The following SLC14A2 variants were observed in gnomAD, a reference collection of about 807,000 sequenced individuals.
The protein encoded by SLC14A2 is urea transporter 2.
In SLC14A2, 91 loss-of-function variants were observed where a neutral mutation model predicts 104.6. The observed-to-expected ratio is 0.87, with a 90% CI of 0.73 to 1.04. The LOEUF is 1.04. Ranked by LOEUF, SLC14A2 falls within the 50% of genes least tolerant of loss-of-function variation. The pLI, the probability that SLC14A2 is intolerant of heterozygous loss-of-function variation, is 0.00. For synonymous variants in SLC14A2, 476 were observed against 466.4 expected (o/e 1.02, Z -0.27); for missense variants, 1,189 against 1,156.0 (o/e 1.03, Z -0.41).
intron 1 of SLC14A2, among the ~76,000 whole-genome samples, chr18:45,289,914 C>T (rs2084852804): frequency 6.6e-6 from 1 of 152,122 alleles, no homozygotes; most frequent in African/African-American, 2.4e-5. Context: ...GAGTTGTTTA[C>T]ACTGAAAAAG....
chr18:45,355,374 G>A (rs2085542550), intron 1 of SLC14A2, among the ~76,000 whole-genome samples: 1 of 151,870 alleles, frequency 6.6e-6, no homozygotes, highest in African/African-American at 2.4e-5. Flanking sequence ...AGGAGTTCGA[G>A]ACCAGCCTGA....
intron 1 of SLC14A2, among the ~76,000 whole-genome samples, chr18:45,401,644 G>A (rs1020293001): frequency 3.9e-5 from 6 of 152,188 alleles, no homozygotes; most frequent in African/African-American, 1.4e-4. Context: ...TCTATCTTAC[G>A]TTTTTCAAAT....
At chr18:45,239,798 G>A (rs149073301) in intron 1 of SLC14A2, among the ~76,000 whole-genome samples, 2 of 152,266 alleles carry the variant, frequency 1.3e-5, no homozygotes, top group East Asian at 1.9e-4. Flanking sequence ...TCCAATAGGA[G>A]CTAACATTTA....
intron 19 of SLC14A2, among the ~76,000 whole-genome samples, chr18:45,681,004 A>G (rs1159207406): frequency 1.3e-5 from 2 of 151,968 alleles, no homozygotes; most frequent in African/African-American, 4.9e-5. Context: ...CTCTGGACAC[A>G]CACATGACTG....
chr18:45,662,405 T>G (rs866934701), intron 10 of SLC14A2, among the ~76,000 whole-genome samples: 2 of 152,202 alleles, frequency 1.3e-5, no homozygotes, highest in Admixed American at 6.5e-5. Flanking sequence ...CCATAGTTGT[T>G]TCTACATAAG....
chr18:45,474,338 C>A (rs1252135803), intron 1 of SLC14A2, among the ~76,000 whole-genome samples: 1 of 151,966 alleles, frequency 6.6e-6, no homozygotes, highest in Non-Finnish European at 1.5e-5. Flanking sequence ...CAGAAATTTT[C>A]TTTTTTTGTT....
Position 45,224,302 on chromosome 18 carries a change from C to T in SLC14A2, c.-125+11111C>T, listed in dbSNP as rs561686600. On this transcript the variant is annotated intron_variant, in intron 1 of 20. Coordinates refer to the SLC14A2 transcript ENST00000586448. The stretch of plus-strand genomic sequence containing the variant: ...TTCTTCCCCTCTCTCTGCTACAAGT[C>T]CTCCCTTTAAGAAACTGATGGACAG... 2.6e-5 allele frequency among the ~76,000 whole-genome samples: 4 copies of T among 152,332 alleles called. No homozygotes were observed. In the East Asian group the frequency reaches 7.7e-4, roughly 29 times the overall value.
chr18:45,475,211 G>A (rs1261893787), intron 1 of SLC14A2, among the ~76,000 whole-genome samples: 1 of 152,170 alleles, frequency 6.6e-6, no homozygotes, highest in Non-Finnish European at 1.5e-5. Flanking sequence ...TTAATCCTGA[G>A]TTCTAATTTG....
chr18:45,413,731 G>A (rs2144497571), intron 1 of SLC14A2, among the ~76,000 whole-genome samples: 1 of 152,284 alleles, frequency 6.6e-6, no homozygotes, highest in Admixed American at 6.5e-5. Flanking sequence ...TTAATGTGTG[G>A]AGTTCTGAAG....
intron 1 of SLC14A2, among the ~76,000 whole-genome samples, chr18:45,254,729 G>C (rs2084458591): frequency 6.6e-6 from 1 of 152,106 alleles, no homozygotes; most frequent in Non-Finnish European, 1.5e-5. Context: ...AAGGAGTGGG[G>C]TGTGGGGGAC....
chr18:45,261,415 TTTA>T (rs2084535947), intron 1 of SLC14A2, among the ~76,000 whole-genome samples: 1 of 151,882 alleles, frequency 6.6e-6, no homozygotes, highest in Admixed American at 6.6e-5. Context: ...TTCTTTTAAT[TTTA>T]TTATTATACT....
At chr18:45,250,693 C>G (rs1461064038) in intron 1 of SLC14A2, among the ~76,000 whole-genome samples, 2 of 147,234 alleles carry the variant, frequency 1.4e-5, no homozygotes, top group African/African-American at 5.0e-5. Context: ...CCCAGGAGGT[C>G]AAAAGGGCTG....
chr18:45,345,240 T>C (rs549355796), intron 1 of SLC14A2, among the ~76,000 whole-genome samples: 30 of 152,372 alleles, frequency 2.0e-4, no homozygotes, highest in African/African-American at 7.0e-4. Flanking sequence ...CTGTATTTAC[T>C]CTGTGTTTCT....
intron 2 of SLC14A2, among the ~76,000 whole-genome samples, chr18:45,519,464 C>A (rs572051814): frequency 4.6e-5 from 7 of 152,282 alleles, no homozygotes; most frequent in Admixed American, 4.6e-4. Context: ...GAACTTGGAT[C>A]CTCCTTTCCC....
At chr18:45,284,099 A>C (rs2084790047) in intron 1 of SLC14A2, among the ~76,000 whole-genome samples, 1 of 152,250 alleles carries the variant, frequency 6.6e-6, no homozygotes, top group African/African-American at 2.4e-5. Context: ...ACTGTAAAAA[A>C]TTTAAAGTAG....
intron 1 of SLC14A2, among the ~76,000 whole-genome samples, chr18:45,384,465 C>T (rs748936212): frequency 7.2e-5 from 11 of 152,166 alleles, no homozygotes; most frequent in African/African-American, 1.2e-4. Flanking sequence ...AATAAGCCCA[C>T]CCACCTCATA....
rs766649681 is a variant in SLC14A2 at position 45,617,054 on chromosome 18, C to T, written c.-35+1472C>T. Among the ~76,000 whole-genome samples, 11 of 152,212 alleles carry T rather than the reference C, an allele frequency of 7.2e-5. 1 individual carries two copies. The highest frequency in any genetic ancestry group is 2.0e-4 in the Admixed American group (3 of 15,294). On this transcript the variant is annotated intron_variant, in intron 1 of 19. Coordinates refer to ENST00000255226, the MANE Select transcript of SLC14A2 (RefSeq NM_007163.4). Reference sequence around the variant, plus strand: ...TGGAGGTTGCAGGGAGCCGAGATTGCGCCACTGCACTCTAGCCTGGGCAAC... The same window carrying T: ...TGGAGGTTGCAGGGAGCCGAGATTGTGCCACTGCACTCTAGCCTGGGCAAC...
chr18:45,531,628 C>A (rs1390534136), intron 2 of SLC14A2, among the ~76,000 whole-genome samples: 30 of 152,154 alleles, frequency 2.0e-4, no homozygotes, highest in African/African-American at 6.7e-4. Flanking sequence ...AGGTTGCAAA[C>A]ATTTTCTCCC....
Position 45,682,591 on chromosome 18 carries a change from C to T in SLC14A2, c.*72C>T, listed in dbSNP as rs1018373992. The T allele has an allele frequency of 8.9e-6, 11 of 1,241,546 alleles. No individual in the cohort carries two copies. In the African/African-American group the frequency reaches 1.2e-4, roughly 13 times the overall value. 76.9% of individuals were successfully genotyped at this position (1,241,546 alleles called of 1,614,324 possible). On this transcript the variant is annotated 3_prime_UTR_variant, in exon 20 of 20. Transcript: ENST00000255226. ...CCGTCCAGATCCCCAGGATAAGAGA[C>T]CACTTAGCCTTCCCTTTGGTCTGTT... is the stretch of plus-strand genomic sequence containing the variant.
Sources: allele counts gnomAD v4.1 joint callset (sites outside exome capture counted in the v4.1 genomes callset), GRCh38; gene constraint gnomAD v4.1.1; transcripts MANE v1.5; gene names NCBI Gene and HGNC (gene_info 2026-07-23, HGNC 2026-07-21).